UBN2: variants seen among roughly 807,000 people sequenced by gnomAD.
UBN2 encodes ubinuclein-2.
Under a neutral mutation model 120.2 loss-of-function variants are expected in UBN2, and 35 were observed. That is an observed-to-expected ratio of 0.29 (90% CI 0.22 to 0.39). The LOEUF is 0.39. Ranked by LOEUF, UBN2 falls within the 10% of genes least tolerant of loss-of-function variation. The pLI is 1.00. For missense variants in UBN2, 1,693 were observed against 1,663.2 expected, an observed-to-expected ratio of 1.02 and a Z score of -0.31; for synonymous variants, 661 against 648.7, an observed-to-expected ratio of 1.02 and a Z score of -0.29.
chr7:139,246,267 A>G (rs1162230035), intron 2 of UBN2, among the ~76,000 whole-genome samples: 1 of 152,148 alleles, frequency 6.6e-6, no homozygotes. Flanking sequence ...CGGGAGGCTG[A>G]GGCAGGAGAA....
chr7:139,297,433 T>TG, intron 17 of UBN2, among the ~76,000 whole-genome samples: 1 of 151,874 alleles, frequency 6.6e-6, no homozygotes, highest in Non-Finnish European at 1.5e-5. Context: ...AGTTGAAAGA[T>TG]GTAGTGGGTC....
At position 139,299,968 on chromosome 7, in the gene UBN2, TTGTC is replaced by T. The variant is rs909086222; in HGVS notation, c.*2136_*2139del. On this transcript the variant is annotated 3_prime_UTR_variant, in exon 18 of 18. Coordinates refer to ENST00000473989, the MANE Select transcript of UBN2 (RefSeq NM_173569.4). Reference sequence around the variant, plus strand: ...TCTTCCTGAATACTTGTATATATGTTTGTCTGTATGTATATATACATACACACAT... The same window carrying T: ...TCTTCCTGAATACTTGTATATATGTTTGTATGTATATATACATACACACAT... The T allele has an allele frequency of 2.6e-5, 4 of 152,244 alleles. No individual in the cohort carries two copies. Among genetic ancestry groups the T allele is most frequent in the East Asian group, 1.9e-4 (1 of 5,180 alleles). 9.4% of individuals were successfully genotyped at this position (152,244 alleles called of 1,614,324 possible). A position where few individuals can be genotyped will look rare whatever the true frequency, so the allele number is the denominator to read the frequency against.
At chr7:139,270,573 A>G (rs1299020405) in intron 8 of UBN2, among the ~76,000 whole-genome samples, 1 of 150,926 alleles carries the variant, frequency 6.6e-6, no homozygotes, top group Non-Finnish European at 1.5e-5. Flanking sequence ...CTGGCCAGAA[A>G]CACATTCATT....
At chr7:139,260,310 C>A (rs575822101) in intron 5 of UBN2, among the ~76,000 whole-genome samples, 1 of 151,820 alleles carries the variant, frequency 6.6e-6, no homozygotes, top group African/African-American at 2.4e-5. Context: ...GTTATCTAGG[C>A]TGGTCTCGAA....
downstream of UBN2, among the ~76,000 whole-genome samples, chr7:139,308,823 G>A (rs1271973856): frequency 6.6e-6 from 1 of 152,208 alleles, no homozygotes; most frequent in Non-Finnish European, 1.5e-5. Flanking sequence ...TGTAATCCCA[G>A]CACTTTGGGA....
At position 139,231,801 on chromosome 7, in the gene UBN2, C is replaced by A; in HGVS notation, c.317C>A (p.Pro106Gln). The A allele has an allele frequency of 7.0e-7, 1 of 1,421,806 alleles. No individual in the cohort carries two copies. Among genetic ancestry groups the A allele is most frequent in the Non-Finnish European group, 9.2e-7 (1 of 1,087,066 alleles). The allele number at this position is 1,421,806 out of a possible 1,614,324, so 88.1% of individuals were successfully genotyped here. ...CCGTTCCCGCCGCTGCCCTTGCAGC[C>A]GCCCCCGCCGCGGGAGTCGGCTTCC... is the stretch of plus-strand genomic sequence containing the variant. The part of the protein sequence containing the change: ...PPPFPPLPLQ[P>Q]PPPRESASRA... The change falls in exon 1 of 18, where the codon CCG (proline) becomes CAG (glutamine). Residue 106 changes from proline (P) to glutamine (Q), a missense_variant. By Grantham distance (76) the Pro-to-Gln change is moderately conservative (BLOSUM62 -1). This residue lies in a region of UBN2 where 663 missense variants were observed against 591.2 expected (regional missense o/e 1.12). Transcript: ENST00000473989.
At chr7:139,286,301 T>C (rs1345759755) in intron 15 of UBN2, among the ~76,000 whole-genome samples, 1 of 152,108 alleles carries the variant, frequency 6.6e-6, no homozygotes, top group Non-Finnish European at 1.5e-5. Flanking sequence ...TAACCTCAAG[T>C]GATCTGCCCG....
At chr7:139,293,518 C>A in intron 16 of UBN2, 55 bp downstream of exon 16, 1 of 1,462,912 alleles carries the variant, frequency 6.8e-7, no homozygotes, top group East Asian at 2.3e-5. Flanking sequence ...AACAGGAAAC[C>A]TCACAAATTT....
At chr7:139,271,819 A>G (rs1797284578) in intron 8 of UBN2, among the ~76,000 whole-genome samples, 2 of 152,124 alleles carry the variant, frequency 1.3e-5, no homozygotes, top group African/African-American at 4.8e-5. Context: ...TTGACCTTGC[A>G]TTTTTACTTG....
At chr7:139,235,734 A>C (rs1796147775) in intron 1 of UBN2, among the ~76,000 whole-genome samples, 1 of 152,174 alleles carries the variant, frequency 6.6e-6, no homozygotes, top group African/African-American at 2.4e-5. Context: ...GTTGGGGTGA[A>C]CTATTCTATA....
intron 17 of UBN2, among the ~76,000 whole-genome samples, chr7:139,297,148 C>A (rs1035244096): frequency 6.7e-6 from 1 of 149,606 alleles, no homozygotes; most frequent in African/African-American, 2.5e-5. Flanking sequence ...GAGCTGAGAT[C>A]GCGCCATTGC....
At chr7:139,329,658 A>C in the UBN2 span, among the ~76,000 whole-genome samples, 1 of 152,098 alleles carries the variant, frequency 6.6e-6, no homozygotes, top group Non-Finnish European at 1.5e-5. Context: ...GAGCATTCTT[A>C]CGTGGGTGAT....
intron 11 of UBN2, among the ~76,000 whole-genome samples, chr7:139,274,552 C>T (rs977237837): frequency 1.3e-5 from 2 of 151,898 alleles, no homozygotes; most frequent in African/African-American, 2.4e-5. Flanking sequence ...CACCTGAGGT[C>T]GGGAGTTCAA....
chr7:139,276,309 T>G (rs1746038536), intron 12 of UBN2, 162 bp downstream of exon 12: 2 of 697,810 alleles, frequency 2.9e-6, no homozygotes. Context: ...GAAATAATTG[T>G]CAGGGTACTC....
the UBN2 span, among the ~76,000 whole-genome samples, chr7:139,316,343 C>A: frequency 1.3e-5 from 2 of 152,146 alleles, no homozygotes; most frequent in South Asian, 4.1e-4. Context: ...TTCAAAGAGG[C>A]TTTTGTGCTG....
rs1291025615 is a variant in UBN2, at chr7:139,283,155, C to G, written c.2250C>G (p.Ile750Met). ...GCTCTGCACCAGCCCAAGAAACCAT[C>G]TGCCTCGACGACTCACTAGATGAAG... The part of the protein sequence containing the change: ...SSSSAPAQET[I>M]CLDDSLDEDL... Residue 750 changes from isoleucine to methionine, a missense_variant, in exon 15 of 18, where the codon ATC (isoleucine) becomes ATG (methionine). Physicochemically the swap from Ile to Met is conservative, Grantham distance 10. Transcript: ENST00000473989. 1 of 1,612,258 alleles carries G rather than the reference C, an allele frequency of 6.2e-7. No homozygotes were observed.
intron 2 of UBN2, among the ~76,000 whole-genome samples, chr7:139,245,108 T>C (rs1796433173): frequency 6.8e-6 from 1 of 147,778 alleles, no homozygotes; most frequent in South Asian, 2.2e-4. Context: ...TTTTTTTTTT[T>C]TTTTTTTTTT....
chr7:139,265,855 C>CA (rs1221623322), intron 6 of UBN2, among the ~76,000 whole-genome samples: 2 of 152,164 alleles, frequency 1.3e-5, no homozygotes, highest in African/African-American at 4.8e-5. Flanking sequence ...GGCCTGCTGA[C>CA]ACCTTCATTT....
chr7:139,253,736 G>A (rs1172022637), intron 3 of UBN2, among the ~76,000 whole-genome samples: 1 of 152,194 alleles, frequency 6.6e-6, no homozygotes, highest in Non-Finnish European at 1.5e-5. Flanking sequence ...TAGAGAAGGT[G>A]TATGTTCTTC....
Sources: allele counts gnomAD v4.1 joint callset (sites outside exome capture counted in the v4.1 genomes callset), GRCh38; gene constraint gnomAD v4.1.1; regional missense constraint gnomAD v4.1.1; transcripts MANE v1.5; gene names NCBI Gene and HGNC (gene_info 2026-07-23, HGNC 2026-07-21).